Variants in CBLN2 observed in about 807,000 individuals in gnomAD.
CBLN2 encodes cerebellin 2 precursor, also known as cerebellin-2.
CBLN2 carries 7 observed loss-of-function variants against 15.0 expected under a neutral mutation model. The ratio of observed to expected loss-of-function variants is 0.47; its 90% confidence interval spans 0.27 to 0.88. CBLN2 has a LOEUF of 0.88. CBLN2 is among the 40% of genes least tolerant of loss of function. The probability of loss-of-function intolerance (pLI) is 0.14; values close to 1 mark genes in which losing one functional copy is unlikely to be tolerated. For missense variants in CBLN2, 242 were observed against 304.5 expected (o/e 0.79, Z 1.53); for synonymous variants, 149 against 135.2 (o/e 1.10, Z -0.71).
At chr18:72,554,306 A>C (rs2069210105) in intron 1 of CBLN2, among the ~76,000 whole-genome samples, 1 of 152,128 alleles carries the variant, frequency 6.6e-6, no homozygotes, top group Non-Finnish European at 1.5e-5. Flanking sequence ...AATAATTTTT[A>C]AGAGAAAAAT....
At chr18:72,590,292 A>T (rs1327874818) in intron 1 of CBLN2, among the ~76,000 whole-genome samples, 1 of 151,942 alleles carries the variant, frequency 6.6e-6, no homozygotes, top group African/African-American at 2.4e-5. Flanking sequence ...AAACAAAAAA[A>T]AAAAATTAGC....
chr18:72,556,294 A>T (rs1004241381), intron 1 of CBLN2, among the ~76,000 whole-genome samples: 1 of 152,064 alleles, frequency 6.6e-6, no homozygotes, highest in Non-Finnish European at 1.5e-5. Context: ...AGATAGGATA[A>T]CTCTTCCAAA....
At chr18:72,573,414 G>A (rs2069344494) in intron 1 of CBLN2, among the ~76,000 whole-genome samples, 2 of 152,068 alleles carry the variant, frequency 1.3e-5, no homozygotes, top group South Asian at 2.1e-4. Context: ...TAAACCTTCC[G>A]TGCTCTGCTT....
At chr18:72,595,747 G>C (rs945146877) in intron 1 of CBLN2, among the ~76,000 whole-genome samples, 6 of 151,942 alleles carry the variant, frequency 3.9e-5, no homozygotes, top group Non-Finnish European at 8.8e-5. Context: ...TCCTCTTATT[G>C]AATTGGCTCC....
chr18:72,576,645 A>G (rs919058878), intron 1 of CBLN2, among the ~76,000 whole-genome samples: 1 of 152,116 alleles, frequency 6.6e-6, no homozygotes, highest in Non-Finnish European at 1.5e-5. Context: ...TTCAGTTCTA[A>G]AATCCTTTTA....
chr18:72,627,257 CT>C (rs2069745939), intron 1 of CBLN2, among the ~76,000 whole-genome samples: 1 of 152,134 alleles, frequency 6.6e-6, no homozygotes, highest in Admixed American at 6.6e-5. Context: ...GCTATTTTGA[CT>C]GTTTGCTTTT....
intron 1 of CBLN2, among the ~76,000 whole-genome samples, chr18:72,571,222 T>C (rs1031851533): frequency 1.6e-4 from 24 of 152,118 alleles, no homozygotes; most frequent in African/African-American, 4.8e-4. Context: ...CAATATCAAT[T>C]TTTTGAGCAC....
At chr18:72,581,905 G>A (rs2069408274) in intron 1 of CBLN2, among the ~76,000 whole-genome samples, 1 of 152,136 alleles carries the variant, frequency 6.6e-6, no homozygotes, top group African/African-American at 2.4e-5. Flanking sequence ...TTCAATCTCT[G>A]TGGGTTTCAG....
At chr18:72,558,065 A>G (rs1057433158) in intron 1 of CBLN2, among the ~76,000 whole-genome samples, 1 of 152,190 alleles carries the variant, frequency 6.6e-6, no homozygotes, top group African/African-American at 2.4e-5. Flanking sequence ...GCAGAGTCAT[A>G]CAGAGGTGAA....
At chr18:72,551,478 G>A (rs531231407) in intron 1 of CBLN2, among the ~76,000 whole-genome samples, 14 of 152,110 alleles carry the variant, frequency 9.2e-5, no homozygotes, top group African/African-American at 3.4e-4. Flanking sequence ...GCTTGAAATA[G>A]AATTGACTAA....
At chr18:72,625,616 A>G (rs1235419571) in intron 1 of CBLN2, among the ~76,000 whole-genome samples, 1 of 148,270 alleles carries the variant, frequency 6.7e-6, no homozygotes, top group African/African-American at 2.5e-5. Context: ...TGAGGGTAAT[A>G]CTATATATAT....
chr18:72,587,983 T>G (rs905422555), intron 1 of CBLN2, among the ~76,000 whole-genome samples: 1 of 152,236 alleles, frequency 6.6e-6, no homozygotes, highest in Admixed American at 6.5e-5. Context: ...TTACCTAATA[T>G]TCTTATAATA....
At chr18:72,607,197 C>T (rs2069588913) in intron 1 of CBLN2, among the ~76,000 whole-genome samples, 1 of 152,148 alleles carries the variant, frequency 6.6e-6, no homozygotes, top group South Asian at 2.1e-4. Flanking sequence ...TCAGAAGGAA[C>T]CAACACTGCC....
upstream of CBLN2, among the ~76,000 whole-genome samples, chr18:72,546,952 A>G (rs1286508539): frequency 6.6e-6 from 1 of 152,146 alleles, no homozygotes; most frequent in African/African-American, 2.4e-5. Context: ...TTGCTGTTGG[A>G]TCCATCAATT....
At chr18:72,628,968 A>G (rs1467228544) in intron 1 of CBLN2, among the ~76,000 whole-genome samples, 1 of 152,174 alleles carries the variant, frequency 6.6e-6, no homozygotes, top group African/African-American at 2.4e-5. Context: ...AATTCAGCCC[A>G]TGGAAATGAA....
intron 1 of CBLN2, among the ~76,000 whole-genome samples, chr18:72,578,529 G>T (rs2069382955): frequency 6.6e-6 from 1 of 152,242 alleles, no homozygotes; most frequent in Non-Finnish European, 1.5e-5. Flanking sequence ...CTATTGTCTG[G>T]TATACTCTTT....
chr18:72,636,673 C>T (rs2069815061), intron 1 of CBLN2, among the ~76,000 whole-genome samples: 1 of 152,098 alleles, frequency 6.6e-6, no homozygotes, highest in Non-Finnish European at 1.5e-5. Context: ...CCAACTCTGG[C>T]TTTATATTTA....
rs371724155 is a variant in CBLN2, at chr18:72,629,413, A to C, written c.15+8912T>G. ...TTAGTATCCTTTATAAGAGTAAAGG[A>C]ATTAAGATAAAGAAAACAAAGAAGA... is the stretch of plus-strand genomic sequence containing the variant. On this transcript the variant is annotated intron_variant, in intron 1 of 2. Transcript: ENST00000581073. 9.5e-4 allele frequency among the ~76,000 whole-genome samples: 145 copies of C among 152,202 alleles called. 1 individual carries two copies. The highest frequency in any genetic ancestry group is 3.2e-3 in the African/African-American group (135 of 41,540).
At chr18:72,591,476 C>G (rs1362002328) in intron 1 of CBLN2, among the ~76,000 whole-genome samples, 1 of 152,070 alleles carries the variant, frequency 6.6e-6, no homozygotes, top group Non-Finnish European at 1.5e-5. Context: ...TTACATAAAG[C>G]ATTTAACTAT....
Sources: gnomAD v4.1 joint callset for allele counts (sites outside exome capture counted in the v4.1 genomes callset) on GRCh38, gnomAD v4.1.1 for gene constraint, MANE v1.5 for transcripts, NCBI Gene and HGNC (gene_info 2026-07-23, HGNC 2026-07-21) for gene names.